Variants in GPM6A observed in about 807,000 individuals in gnomAD.
GPM6A encodes the protein glycoprotein M6A.
Under a neutral mutation model 32.1 loss-of-function variants are expected in GPM6A, and 7 were observed. The observed-to-expected ratio is 0.22, with a 90% CI of 0.12 to 0.41. The LOEUF (loss-of-function observed/expected upper bound fraction) is 0.41, where lower values mean the gene tolerates loss of function less well. Among genes scored for constraint, GPM6A ranks in the 10% least tolerant of loss-of-function variants. The probability of loss-of-function intolerance (pLI) is 1.00; values close to 1 mark genes in which losing one functional copy is unlikely to be tolerated. For missense variants in GPM6A, 235 were observed against 347.2 expected, an observed-to-expected ratio of 0.68 and a Z score of 2.57; for synonymous variants, 130 against 123.4, an observed-to-expected ratio of 1.05 and a Z score of -0.35.
intron 1 of GPM6A, among the ~76,000 whole-genome samples, chr4:175,842,904 CT>C (rs551667669): frequency 9.9e-5 from 15 of 151,860 alleles, no homozygotes; most frequent in African/African-American, 3.6e-4. Context: ...AATCCCAATC[CT>C]TGCTTACCTA....
intron 1 of GPM6A, among the ~76,000 whole-genome samples, chr4:175,935,753 A>G (rs1303285014): frequency 1.3e-5 from 2 of 152,060 alleles, no homozygotes; most frequent in African/African-American, 4.8e-5. Flanking sequence ...TATAACCCCA[A>G]TAAAAATTTT....
chr4:175,989,254 C>A (rs1741066522), intron 1 of GPM6A, among the ~76,000 whole-genome samples: 1 of 152,076 alleles, frequency 6.6e-6, no homozygotes, highest in African/African-American at 2.4e-5. Flanking sequence ...TGTTTTGAAT[C>A]AGTCCTTGAT....
At chr4:175,798,334 T>G (rs1423152399) in intron 1 of GPM6A, among the ~76,000 whole-genome samples, 1 of 152,210 alleles carries the variant, frequency 6.6e-6, no homozygotes, top group Non-Finnish European at 1.5e-5. Context: ...AAGATTACCA[T>G]GTACCCAGAT....
chr4:175,996,688 G>A (rs544938195), intron 1 of GPM6A, among the ~76,000 whole-genome samples: 1 of 152,278 alleles, frequency 6.6e-6, no homozygotes, highest in East Asian at 1.9e-4. Flanking sequence ...TGAAATTTTA[G>A]TGTGACTGTT....
intron 1 of GPM6A, among the ~76,000 whole-genome samples, chr4:175,723,807 A>G (rs1164447587): frequency 1.3e-5 from 2 of 152,202 alleles, no homozygotes; most frequent in East Asian, 3.8e-4. Context: ...CATTATCATC[A>G]GTTGATACAT....
intron 2 of GPM6A, among the ~76,000 whole-genome samples, chr4:175,676,967 T>C (rs746042203): frequency 6.6e-6 from 1 of 152,200 alleles, no homozygotes; most frequent in Non-Finnish European, 1.5e-5. Flanking sequence ...TGGTCACATA[T>C]ATATCCTTTG....
intron 1 of GPM6A, among the ~76,000 whole-genome samples, chr4:175,778,627 C>CAAAAAAAAAAAAAA (rs34286041): frequency 9.3e-5 from 7 of 75,202 alleles, no homozygotes; most frequent in South Asian, 5.5e-4. Context: ...CTGTATCCAA[C>CAAAAAAAAAAAAAA]AAAAAAAAAA....
intron 2 of GPM6A, 139 bp downstream of exon 2, chr4:175,701,436 C>T: frequency 3.1e-6 from 2 of 652,180 alleles, no homozygotes; most frequent in Non-Finnish European, 5.5e-6. Flanking sequence ...ATCATGATTA[C>T]CCTTTTGAAT....
rs141966165 is a variant in GPM6A at position 175,765,492 on chromosome 4, T to A, written c.37+46699A>T. Among the ~76,000 whole-genome samples the A allele has an allele frequency of 7.0e-4, 107 of 152,336 alleles. 2 individuals carry two copies. The East Asian group carries it at 0.014, about 19-fold the overall frequency. ...AGATCAAATCAAGATAATTAGGATATCCATCGCCTCAAACATTTCTCTTTT... is the reference window on the plus strand; with the variant it reads ...AGATCAAATCAAGATAATTAGGATAACCATCGCCTCAAACATTTCTCTTTT... On this transcript the variant is annotated intron_variant, in intron 1 of 6. Coordinates refer to ENST00000393658, the MANE Select transcript of GPM6A (RefSeq NM_201591.3).
At chr4:175,763,474 G>GT (rs1471172123) in intron 1 of GPM6A, among the ~76,000 whole-genome samples, 10 of 151,984 alleles carry the variant, frequency 6.6e-5, no homozygotes, top group Non-Finnish European at 1.5e-4. Context: ...AAATTTTGAG[G>GT]TTTTAAATAA....
chr4:175,829,375 G>A (rs1175957290), intron 1 of GPM6A, among the ~76,000 whole-genome samples: 1 of 152,036 alleles, frequency 6.6e-6, no homozygotes, highest in Non-Finnish European at 1.5e-5. Context: ...TAAATTATAT[G>A]ATTAAAAAAT....
At chr4:175,670,058 A>G (rs1269077235) in intron 3 of GPM6A, among the ~76,000 whole-genome samples, 3 of 152,064 alleles carry the variant, frequency 2.0e-5, no homozygotes, top group Non-Finnish European at 4.4e-5. Flanking sequence ...TAGCTTCCTG[A>G]ACTGTGAGAC....
chr4:175,841,429 A>G (rs973752005), intron 1 of GPM6A, among the ~76,000 whole-genome samples: 1 of 152,126 alleles, frequency 6.6e-6, no homozygotes, highest in Non-Finnish European at 1.5e-5. Flanking sequence ...GAGAAATCCT[A>G]TTGGGAAAAA....
intron 4 of GPM6A, among the ~76,000 whole-genome samples, chr4:175,642,530 T>G (rs1012173746): frequency 2.0e-5 from 3 of 152,186 alleles, no homozygotes; most frequent in Admixed American, 2.0e-4. Flanking sequence ...ATTCTCAGTT[T>G]TCATCTTCTT....
intron 1 of GPM6A, among the ~76,000 whole-genome samples, chr4:175,710,152 CT>C (rs1478083235): frequency 1.3e-5 from 2 of 151,708 alleles, no homozygotes; most frequent in East Asian, 1.9e-4. Flanking sequence ...TTCAAATAAG[CT>C]TTTTTTGGTA....
At chr4:175,681,170 G>T (rs964403695) in intron 2 of GPM6A, among the ~76,000 whole-genome samples, 2 of 152,110 alleles carry the variant, frequency 1.3e-5, no homozygotes, top group Non-Finnish European at 2.9e-5. Flanking sequence ...GTTACGTATT[G>T]CCAATTCCTC....
intron 1 of GPM6A, among the ~76,000 whole-genome samples, chr4:175,830,786 A>G (rs1452124610): frequency 6.6e-6 from 1 of 151,812 alleles, no homozygotes; most frequent in African/African-American, 2.4e-5. Flanking sequence ...GTTCAGGGTC[A>G]TTGGTAGAAT....
chr4:175,751,394 A>G (rs1283799671), intron 1 of GPM6A, among the ~76,000 whole-genome samples: 1 of 152,188 alleles, frequency 6.6e-6, no homozygotes, highest in Non-Finnish European at 1.5e-5. Flanking sequence ...TATTTTCCCA[A>G]GGATACTGTA....
intron 2 of GPM6A, among the ~76,000 whole-genome samples, chr4:175,697,860 G>A (rs2111054496): frequency 6.6e-6 from 1 of 152,250 alleles, no homozygotes; most frequent in East Asian, 1.9e-4. Flanking sequence ...GGCAGGGGCT[G>A]ATAGTATTTA....
Sources: gnomAD v4.1 joint callset for allele counts (sites outside exome capture counted in the v4.1 genomes callset) on GRCh38, gnomAD v4.1.1 for gene constraint, MANE v1.5 for transcripts, NCBI Gene and HGNC (gene_info 2026-07-23, HGNC 2026-07-21) for gene names.